TSGA10: variants seen among roughly 807,000 people sequenced by gnomAD.
The protein encoded by TSGA10 is testis-specific gene 10 protein.
A neutral mutation model predicts 96.6 loss-of-function variants in TSGA10; 43 were observed. That is an observed-to-expected ratio of 0.44 (90% CI 0.35 to 0.57). The LOEUF is 0.57. Among genes scored for constraint, TSGA10 ranks in the 20% least tolerant of loss-of-function variants. TSGA10 has a pLI of 0.01. For missense variants in TSGA10, 703 were observed against 834.4 expected, an observed-to-expected ratio of 0.84 and a Z score of 1.94; for synonymous variants, 229 against 269.9, an observed-to-expected ratio of 0.85 and a Z score of 1.48.
At chr2:99,142,291 T>G (rs891212687) in intron 1 of TSGA10, 1 of 152,220 alleles carries the variant, frequency 6.6e-6, no homozygotes, top group African/African-American at 2.4e-5. Context: ...GCAGATGACA[T>G]AGACACTAGG....
At chr2:99,073,207 T>C (rs779132478) in intron 12 of TSGA10, 134 bp from the exon 13 acceptor site, 2 of 588,530 alleles carry the variant, frequency 3.4e-6, no homozygotes, top group South Asian at 2.4e-5. Context: ...GTCCTATTCT[T>C]TTCCACACTT....
intron 17 of TSGA10, among the ~76,000 whole-genome samples, chr2:99,024,396 C>T (rs2080352923): frequency 6.6e-6 from 1 of 152,004 alleles, no homozygotes; most frequent in African/African-American, 2.4e-5. Context: ...CCGTATTTGT[C>T]CTTTTTTAAT....
chr2:99,120,580 T>C (rs2092517045), intron 2 of TSGA10, among the ~76,000 whole-genome samples: 1 of 152,210 alleles, frequency 6.6e-6, no homozygotes, highest in Non-Finnish European at 1.5e-5. Context: ...TTATAGGTAC[T>C]CAATTAGTTT....
intron 20 of TSGA10, among the ~76,000 whole-genome samples, chr2:98,999,411 A>G (rs989751721): frequency 3.3e-5 from 5 of 152,214 alleles, no homozygotes; most frequent in Non-Finnish European, 5.9e-5. Flanking sequence ...GAGAGGCAGG[A>G]AACAGAGCAG....
At chr2:99,140,667 C>T (rs1010190407) in intron 1 of TSGA10, among the ~76,000 whole-genome samples, 1 of 152,078 alleles carries the variant, frequency 6.6e-6, no homozygotes, top group South Asian at 2.1e-4. Context: ...GTAATCTCAG[C>T]CTTTCACCAC....
At position 99,122,847 on chromosome 2, in the gene TSGA10, A is replaced by C. The variant is rs1322721088; in HGVS notation, c.-491-4161T>G. ...TTCATTTACCCATATTTTTTGCTCT[A>C]TATATTGTTCTTCCTTCCTACTGCT... On this transcript the variant is annotated intron_variant, in intron 2 of 20. Transcript: ENST00000393483. Among the ~76,000 whole-genome samples, 4 of 151,166 alleles carry C rather than the reference A, an allele frequency of 2.6e-5. No homozygotes were observed. The East Asian group carries it at 7.7e-4, about 29-fold the overall frequency.
chr2:99,072,616 C>A (rs2086112078), intron 13 of TSGA10, among the ~76,000 whole-genome samples: 1 of 152,136 alleles, frequency 6.6e-6, no homozygotes, highest in African/African-American at 2.4e-5. Flanking sequence ...ACAAAATTCT[C>A]CTCAGAATTC....
chr2:99,128,320 G>A (rs1467599709), intron 1 of TSGA10, among the ~76,000 whole-genome samples: 5 of 152,106 alleles, frequency 3.3e-5, no homozygotes, highest in African/African-American at 9.7e-5. Flanking sequence ...AGATCTCACA[G>A]AATATTTCAA....
At chr2:99,133,052 G>A (rs1430293829) in intron 1 of TSGA10, among the ~76,000 whole-genome samples, 1 of 152,180 alleles carries the variant, frequency 6.6e-6, no homozygotes, top group Non-Finnish European at 1.5e-5. Flanking sequence ...TTGCTGAGAA[G>A]AATGTATATT....
intron 17 of TSGA10, among the ~76,000 whole-genome samples, chr2:99,029,767 C>T (rs773621276): frequency 9.9e-5 from 15 of 152,124 alleles, no homozygotes; most frequent in Non-Finnish European, 1.9e-4. Flanking sequence ...AGAACAACTG[C>T]AAAATACTAC....
chr2:99,146,501 C>T (rs866391670), intron 1 of TSGA10, among the ~76,000 whole-genome samples: 3 of 151,694 alleles, frequency 2.0e-5, no homozygotes, highest in Middle Eastern at 3.4e-3. Flanking sequence ...TCACTGTTTT[C>T]CTCCCTTATT....
intron 10 of TSGA10, among the ~76,000 whole-genome samples, chr2:99,087,199 G>T (rs990149868): frequency 6.7e-6 from 1 of 149,364 alleles, no homozygotes; most frequent in Non-Finnish European, 1.5e-5. Context: ...GCAACACTCC[G>T]TCTCAAAAAA....
At chr2:99,033,221 G>T (rs943522445) in intron 17 of TSGA10, among the ~76,000 whole-genome samples, 1 of 152,196 alleles carries the variant, frequency 6.6e-6, no homozygotes, top group Non-Finnish European at 1.5e-5. Flanking sequence ...ACAACGTTTT[G>T]CAGGATGTGA....
At chr2:99,014,850 T>C (rs577008486) in intron 20 of TSGA10, among the ~76,000 whole-genome samples, 1 of 152,178 alleles carries the variant, frequency 6.6e-6, no homozygotes, top group Non-Finnish European at 1.5e-5. Context: ...CATTCGAGGC[T>C]ACTATGAACA....
At chr2:99,118,466 A>AAAGTAT (rs2092396531) in intron 3 of TSGA10, 85 bp downstream of exon 3, 2 of 527,516 alleles carry the variant, frequency 3.8e-6, no homozygotes, top group African/African-American at 4.1e-5. Flanking sequence ...AAAAAAAAAA[A>AAAGTAT]AAGTATATAT....
chr2:99,128,369 T>G (rs1022535089), intron 1 of TSGA10, among the ~76,000 whole-genome samples: 1 of 152,204 alleles, frequency 6.6e-6, no homozygotes, highest in African/African-American at 2.4e-5. Context: ...TGGACTGAAC[T>G]CCTAACTACC....
chr2:99,052,976 A>G (rs1255297085), intron 16 of TSGA10, among the ~76,000 whole-genome samples: 1 of 151,708 alleles, frequency 6.6e-6, no homozygotes, highest in Non-Finnish European at 1.5e-5. Flanking sequence ...GTAGGGGAAT[A>G]GTTTGAGCCC....
chr2:99,121,057 A>G (rs1281667905), intron 2 of TSGA10, among the ~76,000 whole-genome samples: 1 of 152,198 alleles, frequency 6.6e-6, no homozygotes, highest in Admixed American at 6.5e-5. Flanking sequence ...CCACAGTTTA[A>G]CCATTCACCA....
chr2:99,032,668 C>T (rs1204503385), intron 17 of TSGA10, among the ~76,000 whole-genome samples: 1 of 152,172 alleles, frequency 6.6e-6, no homozygotes, highest in East Asian at 1.9e-4. Context: ...ATTGCTAATG[C>T]TAAGAAGCCC....
Sources: allele counts gnomAD v4.1 joint callset (sites outside exome capture counted in the v4.1 genomes callset), GRCh38; gene constraint gnomAD v4.1.1; transcripts MANE v1.5; gene names NCBI Gene and HGNC (gene_info 2026-07-23, HGNC 2026-07-21).